The following TMEM200A variants were observed in gnomAD, a reference collection of about 807,000 sequenced individuals.
The protein encoded by TMEM200A is two transmembrane C.
Under a neutral mutation model 24.3 loss-of-function variants are expected in TMEM200A, and 12 were observed. The observed-to-expected ratio is 0.49, with a 90% confidence interval of 0.32 to 0.80. The LOEUF is 0.80. Ranked by LOEUF, TMEM200A falls within the 30% of genes least tolerant of loss-of-function variation. The probability of loss-of-function intolerance (pLI) is 0.04; values close to 1 mark genes in which losing one functional copy is unlikely to be tolerated. For missense variants in TMEM200A, 545 were observed against 614.4 expected (o/e 0.89, Z 1.19); for synonymous variants, 224 against 224.4 (o/e 1.00, Z 0.02).
intron 2 of TMEM200A, among the ~76,000 whole-genome samples, chr6:130,412,525 ACT>A (rs1779356358): frequency 6.6e-6 from 1 of 151,660 alleles, no homozygotes; most frequent in Non-Finnish European, 1.5e-5. Context: ...GGGCTCTGAA[ACT>A]CTGTGCCTAG....
chr6:130,416,397 G>T (rs1779454171), intron 2 of TMEM200A, among the ~76,000 whole-genome samples: 1 of 151,992 alleles, frequency 6.6e-6, no homozygotes. Context: ...AGGAATGTAA[G>T]AACCAATAAC....
Position 130,440,845 on chromosome 6 carries a change from T to G in TMEM200A, c.423T>G (p.Ile141Met). 2 of 1,614,034 alleles carry G rather than the reference T, an allele frequency of 1.2e-6. No individual in the cohort carries two copies. Among genetic ancestry groups the G allele is most frequent in the Admixed American group, 1.7e-5 (1 of 60,020 alleles). The change falls in exon 3 of 3, where the codon ATT (isoleucine) becomes ATG (methionine). Residue 141 changes from isoleucine to methionine, a missense_variant. Coordinates refer to ENST00000296978, the MANE Select transcript of TMEM200A (RefSeq NM_001258277.2). Reference sequence around the variant, plus strand: ...TGGGGATTGGCATTTTCATTTTCATTTGTGCTAATGCCATTCTTCATGAAA... The same window carrying G: ...TGGGGATTGGCATTTTCATTTTCATGTGTGCTAATGCCATTCTTCATGAAA... ...FTMGIGIFIF[I>M]CANAILHENR...
chr6:130,408,014 C>T (rs1231004341), intron 2 of TMEM200A, among the ~76,000 whole-genome samples: 1 of 152,160 alleles, frequency 6.6e-6, no homozygotes, highest in Non-Finnish European at 1.5e-5. Context: ...CTATGCTCCA[C>T]CTGCAAAATG....
At chr6:130,381,382 T>C (rs1778591780) in intron 1 of TMEM200A, among the ~76,000 whole-genome samples, 1 of 152,246 alleles carries the variant, frequency 6.6e-6, no homozygotes, top group Admixed American at 6.5e-5. Context: ...AATATAGTTT[T>C]GTTTTTTTTA....
chr6:130,415,369 C>T (rs1443221608), intron 2 of TMEM200A, among the ~76,000 whole-genome samples: 3 of 152,162 alleles, frequency 2.0e-5, no homozygotes, highest in African/African-American at 7.2e-5. Flanking sequence ...AGATAAAATT[C>T]AAACCTGGAG....
At chr6:130,398,014 T>A (rs2115124556) in intron 2 of TMEM200A, among the ~76,000 whole-genome samples, 1 of 152,176 alleles carries the variant, frequency 6.6e-6, no homozygotes, top group Non-Finnish European at 1.5e-5. Flanking sequence ...ATTTGTAGGT[T>A]TGTTACATGG....
chr6:130,375,214 A>T (rs1048372047), intron 1 of TMEM200A, among the ~76,000 whole-genome samples: 1 of 152,098 alleles, frequency 6.6e-6, no homozygotes, highest in Non-Finnish European at 1.5e-5. Flanking sequence ...ATTTAGAGAG[A>T]TTCATTCAGC....
chr6:130,406,090 G>T lies in TMEM200A; in HGVS notation c.-17+20854G>T, dbSNP rs574297994. On this transcript the variant is annotated intron_variant, in intron 2 of 2. Transcript: ENST00000296978. ...ATACATCATTTCTCCTCCAGGATTT[G>T]TCTCCATCAGATCCTTGTCTTTTCA... 2.6e-5 allele frequency among the ~76,000 whole-genome samples: 4 copies of T among 152,184 alleles called. No individual in the cohort carries two copies. The East Asian group carries it at 7.7e-4, about 29-fold the overall frequency.
chr6:130,430,970 C>T (rs1204053865), intron 2 of TMEM200A, among the ~76,000 whole-genome samples: 1 of 152,162 alleles, frequency 6.6e-6, no homozygotes, highest in Non-Finnish European at 1.5e-5. Context: ...GCACAACTCA[C>T]TGTTCATTTA....
At chr6:130,404,185 A>G (rs2115141081) in intron 2 of TMEM200A, among the ~76,000 whole-genome samples, 1 of 152,306 alleles carries the variant, frequency 6.6e-6, no homozygotes. Flanking sequence ...TCCTTTGTGT[A>G]TATAACCAGT....
intron 2 of TMEM200A, chr6:130,437,022 C>T (rs544364167): frequency 1.3e-5 from 2 of 152,224 alleles, no homozygotes; most frequent in African/African-American, 4.8e-5. Context: ...GTCCCTAATT[C>T]CTGCTTTCAT....
At chr6:130,431,129 C>T (rs763537100) in intron 2 of TMEM200A, among the ~76,000 whole-genome samples, 10 of 152,086 alleles carry the variant, frequency 6.6e-5, no homozygotes, top group African/African-American at 9.7e-5. Context: ...GTACATGGAA[C>T]GACTAGAATT....
chr6:130,390,400 C>T (rs946524901), intron 2 of TMEM200A, among the ~76,000 whole-genome samples: 2 of 152,334 alleles, frequency 1.3e-5, no homozygotes, highest in African/African-American at 2.4e-5. Context: ...GAATGTAACA[C>T]ACGTTGTGTA....
chr6:130,434,435 A>G (rs1179080067), intron 2 of TMEM200A, among the ~76,000 whole-genome samples: 2 of 152,192 alleles, frequency 1.3e-5, no homozygotes, highest in Admixed American at 1.3e-4. Flanking sequence ...ATGTAATTAT[A>G]ATTATCTCAA....
At chr6:130,395,851 T>G (rs921785500) in intron 2 of TMEM200A, among the ~76,000 whole-genome samples, 1 of 152,224 alleles carries the variant, frequency 6.6e-6, no homozygotes, top group African/African-American at 2.4e-5. Context: ...CTAATAGTAC[T>G]GTGGTCATGT....
chr6:130,409,732 G>A (rs890233218), intron 2 of TMEM200A, among the ~76,000 whole-genome samples: 3 of 152,080 alleles, frequency 2.0e-5, no homozygotes, highest in African/African-American at 7.2e-5. Flanking sequence ...CCTAGAATTT[G>A]GGAGGCCAGC....
At chr6:130,394,914 T>C (rs779910828) in intron 2 of TMEM200A, among the ~76,000 whole-genome samples, 14 of 152,200 alleles carry the variant, frequency 9.2e-5, no homozygotes, top group Admixed American at 4.6e-4. Context: ...CATGTGATTA[T>C]TGCCCATTTC....
At chr6:130,433,921 G>A (rs6905487) in intron 2 of TMEM200A, among the ~76,000 whole-genome samples, 42 of 152,304 alleles carry the variant, frequency 2.8e-4, no homozygotes, top group African/African-American at 1.0e-3. Flanking sequence ...CCTCATTTAT[G>A]TGCCAAGCCT....
chr6:130,366,643 G>T lies in TMEM200A; in HGVS notation c.-81+119G>T. 2 of 876,006 alleles carry T rather than the reference G, an allele frequency of 2.3e-6. No individual in the cohort carries two copies. The highest frequency in any genetic ancestry group is 2.7e-6 in the Non-Finnish European group (2 of 730,214). The allele number at this position is 876,006 out of a possible 1,614,324, so 54.3% of individuals were successfully genotyped here. ...CCTCCCCTCCGCTACAGCCTCCAGA[G>T]TTAGGTAAACGCTGTCTCTCCTAAA... On this transcript the variant is annotated intron_variant, in intron 1 of 2. Transcript: ENST00000296978. The surrounding 1 kb of genome is among the most constrained non-coding windows in gnomAD (Gnocchi z 4.4).
Sources: gnomAD v4.1 joint callset for allele counts (sites outside exome capture counted in the v4.1 genomes callset) on GRCh38, gnomAD v4.1.1 for gene constraint, Gnocchi (gnomAD v3.1) non-coding constraint, MANE v1.5 for transcripts, NCBI Gene and HGNC (gene_info 2026-07-23, HGNC 2026-07-21) for gene names.